Variants in SPATA1 observed in about 807,000 individuals in gnomAD.
The protein encoded by SPATA1 is spermatogenesis-associated protein 1.
In SPATA1, 57 loss-of-function variants were observed where a neutral mutation model predicts 59.6. The ratio of observed to expected loss-of-function variants is 0.96; its 90% CI spans 0.77 to 1.19. The LOEUF is 1.19. SPATA1 is among the 50% of genes most tolerant of loss of function. The pLI, the probability that SPATA1 is intolerant of heterozygous loss-of-function variation, is 0.00. For missense variants in SPATA1, 448 were observed against 480.7 expected, an observed-to-expected ratio of 0.93 and a Z score of 0.64; for synonymous variants, 147 against 163.9, an observed-to-expected ratio of 0.90 and a Z score of 0.79.
rs1325128301 is a variant in SPATA1 at position 84,545,845 on chromosome 1, T to C, written c.946+86T>C. 3.2e-5 allele frequency: 31 copies of C among 979,352 alleles called. 1 individual carries two copies. Among genetic ancestry groups the C allele is most frequent in the Non-Finnish European group, 3.8e-5 (28 of 734,990 alleles). 60.7% of individuals were successfully genotyped at this position (979,352 alleles called of 1,614,324 possible). A position where few individuals can be genotyped will look rare whatever the true frequency, so the allele number is the denominator to read the frequency against. ...CCTTTTAGAATAAATAATAAAGTTA[T>C]AATTAATATTTACTGTTTTACTATT... is the stretch of plus-strand genomic sequence containing the variant. On this transcript the variant is annotated intron_variant, in intron 10 of 12. Coordinates refer to ENST00000490879, the Ensembl canonical transcript of SPATA1.
At chr1:84,563,376 G>A in intron 4 of SPATA1, 1 of 1,582,344 alleles carries the variant, frequency 6.3e-7, no homozygotes, top group Non-Finnish European at 8.6e-7. Context: ...TCACTACAAG[G>A]AGCCCCCCGG....
At chr1:84,558,296 T>TC (rs1177486245), downstream of SPATA1, among the ~76,000 whole-genome samples, 6 of 151,312 alleles carry the variant, frequency 4.0e-5, no homozygotes, top group Admixed American at 2.0e-4. Flanking sequence ...CATTAAACTT[T>TC]TTTTTTTTTT....
At chr1:84,522,839 C>T (rs1225149503) in intron 4 of SPATA1, among the ~76,000 whole-genome samples, 1 of 151,826 alleles carries the variant, frequency 6.6e-6, no homozygotes, top group Admixed American at 6.6e-5. Flanking sequence ...ATGGGGTTCT[C>T]ATCACTTGTG....
At chr1:84,546,034 C>T (rs1006703455) in intron 10 of SPATA1, among the ~76,000 whole-genome samples, 2 of 152,254 alleles carry the variant, frequency 1.3e-5, no homozygotes, top group East Asian at 1.9e-4. Flanking sequence ...ATTCATTTAT[C>T]AAATGCCTAT....
chr1:84,536,556 GC>G (rs1343371258), intron 8 of SPATA1, among the ~76,000 whole-genome samples: 1 of 152,172 alleles, frequency 6.6e-6, no homozygotes, highest in Non-Finnish European at 1.5e-5. Flanking sequence ...CCATTCTCCT[GC>G]CTCAGCCTCC....
Position 84,550,535 on chromosome 1 carries a change from T to C in SPATA1, c.1224+5T>C, listed in dbSNP as rs1684238908. 1 of 1,514,998 alleles carries C rather than the reference T, an allele frequency of 6.6e-7. No individual in the cohort carries two copies. Among genetic ancestry groups the C allele is most frequent in the Non-Finnish European group, 8.9e-7 (1 of 1,129,626 alleles). The allele number at this position is 1,514,998 out of a possible 1,614,324, so 93.8% of individuals were successfully genotyped here. On this transcript the variant is annotated splice_donor_5th_base_variant and intron_variant, in intron 12 of 12. Transcript: ENST00000490879. ...AAACTCATAGTAGAAGTTAAGGTAATTTACATTTTTCCTAATCAGATTATT... is the reference window on the plus strand; with the variant it reads ...AAACTCATAGTAGAAGTTAAGGTAACTTACATTTTTCCTAATCAGATTATT...
chr1:84,522,247 A>C (rs1683056863), intron 3 of SPATA1, 143 bp from the exon 4 acceptor site: 1 of 424,780 alleles, frequency 2.4e-6, no homozygotes, highest in Non-Finnish European at 4.2e-6. Flanking sequence ...AATGCCGGCA[A>C]TGTGGAAACA....
chr1:84,507,868 T>A (rs1027019087), intron 1 of SPATA1, among the ~76,000 whole-genome samples: 155 of 141,296 alleles, frequency 1.1e-3, no homozygotes, highest in Non-Finnish European at 1.8e-3. Context: ...AAAAAAAAAA[T>A]TGTTGCTTTT....
chr1:84,521,651 G>A (rs748561266), intron 3 of SPATA1, among the ~76,000 whole-genome samples: 3 of 151,086 alleles, frequency 2.0e-5, no homozygotes, highest in Non-Finnish European at 4.4e-5. Context: ...TTTTCTCTGT[G>A]GTACTTAGTA....
chr1:84,531,683 C>A (rs953313715), intron 6 of SPATA1, among the ~76,000 whole-genome samples: 2 of 151,176 alleles, frequency 1.3e-5, no homozygotes, highest in African/African-American at 4.9e-5. Context: ...AAGACATCCT[C>A]CCACCCTAGT....
chr1:84,542,728 G>A (rs1683953594), intron 8 of SPATA1, among the ~76,000 whole-genome samples: 1 of 152,018 alleles, frequency 6.6e-6, no homozygotes, highest in African/African-American at 2.4e-5. Flanking sequence ...AAATTTGGGT[G>A]GTTTTACTTG....
At chr1:84,526,798 G>A (rs1289536155) in intron 6 of SPATA1, among the ~76,000 whole-genome samples, 4 of 150,224 alleles carry the variant, frequency 2.7e-5, no homozygotes, top group East Asian at 1.9e-4. Flanking sequence ...AGCCAGGGAC[G>A]GGGAGGTTGC....
chr1:84,555,009 A>C (rs774511903), downstream of SPATA1: 2 of 1,613,654 alleles, frequency 1.2e-6, no homozygotes, highest in Admixed American at 3.3e-5. Flanking sequence ...TCATCTCTGT[A>C]ACAGCTTTGG....
exon 3 of SPATA1, chr1:84,520,665 C>G: frequency 6.4e-7 from 1 of 1,568,492 alleles, no homozygotes; most frequent in South Asian, 1.2e-5. Flanking sequence ...AAGTTGTTAA[C>G]AAATTCATTT....
chr1:84,533,958 A>G (rs1196740791), intron 8 of SPATA1, among the ~76,000 whole-genome samples, 192 bp downstream of exon 8: 1 of 152,040 alleles, frequency 6.6e-6, no homozygotes, highest in South Asian at 2.1e-4. Flanking sequence ...GAGAAGGGGG[A>G]AAAGTTATCC....
chr1:84,532,141 C>T (rs1223014166), intron 6 of SPATA1, among the ~76,000 whole-genome samples: 3 of 152,202 alleles, frequency 2.0e-5, no homozygotes, highest in African/African-American at 7.2e-5. Flanking sequence ...TTTATACCAG[C>T]ATTTTCCAGA....
In SPATA1 at chr1:84,563,216, A is replaced by T. The variant is rs774034897; in HGVS notation, n.443-2645A>T. The T allele has an allele frequency of 3.1e-6, 4 of 1,292,854 alleles. No homozygotes were observed. In the East Asian group the frequency reaches 1.1e-4, roughly 36 times the overall value. The allele number at this position is 1,292,854 out of a possible 1,614,324, so 80.1% of individuals were successfully genotyped here. A position where few individuals can be genotyped will look rare whatever the true frequency, so the allele number is the denominator to read the frequency against. ...ATCTAATTATGAAAATAATTACAAA[A>T]ACTAATAGAATAAATGCTCATAACT... On this transcript the variant is annotated intron_variant and non_coding_transcript_variant, in intron 4 of 4. Transcript: ENST00000460286.
chr1:84,535,213 G>A (rs1411309756), intron 8 of SPATA1, among the ~76,000 whole-genome samples: 4 of 151,686 alleles, frequency 2.6e-5, no homozygotes, highest in Non-Finnish European at 4.4e-5. Context: ...TAATCCTTAC[G>A]CCAATACCAC....
intron 1 of SPATA1, among the ~76,000 whole-genome samples, chr1:84,509,770 A>C (rs1682455370): frequency 6.6e-6 from 1 of 152,172 alleles, no homozygotes; most frequent in African/African-American, 2.4e-5. Flanking sequence ...ATCTCTCAAA[A>C]AAAGAAAAGA....
Sources: allele counts gnomAD v4.1 joint callset (sites outside exome capture counted in the v4.1 genomes callset), GRCh38; gene constraint gnomAD v4.1.1; transcripts MANE v1.5; gene names NCBI Gene and HGNC (gene_info 2026-07-23, HGNC 2026-07-21).